TASOR: variants seen among roughly 807,000 people sequenced by gnomAD.
TASOR encodes the protein protein TASOR.
In TASOR, 53 loss-of-function variants were observed where a neutral mutation model predicts 178.6. The ratio of observed to expected loss-of-function variants is 0.30; its 90% confidence interval spans 0.24 to 0.37. The LOEUF (loss-of-function observed/expected upper bound fraction) is 0.37. Among genes scored for constraint, TASOR ranks in the 10% least tolerant of loss-of-function variants. The pLI, the probability that TASOR is intolerant of heterozygous loss-of-function variation, is 1.00. For synonymous variants in TASOR, 713 were observed against 696.2 expected (o/e 1.02, Z -0.38); for missense variants, 1,815 against 1,971.4 (o/e 0.92, Z 1.50).
Position 56,622,965 on chromosome 3 carries a change from G to T in TASOR, c.*72C>A, listed in dbSNP as rs2107520398. 2 of 1,036,216 alleles carry T rather than the reference G, an allele frequency of 1.9e-6. No individual in the cohort carries two copies. Among genetic ancestry groups the T allele is most frequent in the Non-Finnish European group, 2.7e-6 (2 of 734,708 alleles). The allele number at this position is 1,036,216 out of a possible 1,614,324, so 64.2% of individuals were successfully genotyped here. A position where few individuals can be genotyped will look rare whatever the true frequency, so the allele number is the denominator to read the frequency against. ...ATTTGAGAAAGAACAAGAACCTTTT[G>T]TTTAGAGAATGAAATATAAATTGTT... On this transcript the variant is annotated 3_prime_UTR_variant, in exon 24 of 24. Coordinates refer to ENST00000683822, the MANE Select transcript of TASOR (RefSeq NM_001365635.2).
chr3:56,680,518 AGAAAAGGTC>A (rs2031691421), intron 1 of TASOR, among the ~76,000 whole-genome samples: 1 of 152,186 alleles, frequency 6.6e-6, no homozygotes, highest in Non-Finnish European at 1.5e-5. Flanking sequence ...CACAGTCACA[AGAAAAGGTC>A]TACCATATTA....
intron 11 of TASOR, among the ~76,000 whole-genome samples, chr3:56,651,981 G>A (rs1380894850): frequency 1.3e-5 from 2 of 152,136 alleles, no homozygotes; most frequent in Admixed American, 6.5e-5. Flanking sequence ...TCTACACAAT[G>A]AAAGCATACT....
chr3:56,644,474 T>C (rs1449143087), intron 14 of TASOR, among the ~76,000 whole-genome samples: 3 of 151,890 alleles, frequency 2.0e-5, no homozygotes, highest in Admixed American at 2.0e-4. Flanking sequence ...AAATGGAAGC[T>C]ACTTCAGGAA....
chr3:56,646,743 G>C lies in TASOR; in HGVS notation c.1994C>G (p.Ser665Cys). 6.2e-7 allele frequency: 1 copy of C among 1,613,782 alleles called. No homozygotes were observed. Among genetic ancestry groups the C allele is most frequent in the Non-Finnish European group, 8.5e-7 (1 of 1,179,892 alleles). The change falls in exon 14 of 24, where the codon TCT becomes TGT. Residue 665 changes from serine to cysteine, a missense_variant. By Grantham distance (112) the Ser-to-Cys change is moderately radical. Coordinates refer to ENST00000683822, the MANE Select transcript of TASOR (RefSeq NM_001365635.2). ...AGAATGAGATGATCTTTGCTTTCCA[G>C]ATATAATGGCTTCACCTCTTGAGTT... ...RNNSRGEAII[S>C]GKQRSSHSLD...
intron 21 of TASOR, among the ~76,000 whole-genome samples, chr3:56,626,241 A>C (rs906500992): frequency 6.6e-6 from 1 of 152,214 alleles, no homozygotes; most frequent in African/African-American, 2.4e-5. Flanking sequence ...CTCTCAATTG[A>C]CTAGTGTTCC....
At position 56,660,718 on chromosome 3, in the gene TASOR, A is replaced by T; in HGVS notation, c.1368+13T>A. 2 of 1,593,942 alleles carry T rather than the reference A, an allele frequency of 1.3e-6. No individual in the cohort carries two copies. The highest frequency in any genetic ancestry group is 1.7e-6 in the Non-Finnish European group (2 of 1,164,822). ...AACAAAGAATGAGAAACATTAAAAA[A>T]CTTTTCACTCACAAGTTTTTCTCTG... is the stretch of plus-strand genomic sequence containing the variant. On this transcript the variant is annotated intron_variant, in intron 11 of 23. Coordinates refer to ENST00000683822, the MANE Select transcript of TASOR (RefSeq NM_001365635.2).
intron 11 of TASOR, among the ~76,000 whole-genome samples, chr3:56,658,889 G>A (rs2077529573): frequency 7.0e-6 from 1 of 142,428 alleles, no homozygotes. Flanking sequence ...GCTCCAGCCT[G>A]GGCGAGAGAG....
chr3:56,669,663 T>C, intron 5 of TASOR, 37 bp downstream of exon 5: 6 of 1,257,592 alleles, frequency 4.8e-6, no homozygotes, highest in Non-Finnish European at 6.7e-6. Context: ...AAATCAAGTG[T>C]AGTTTTTCAT....
chr3:56,626,328 C>T (rs569488279), intron 21 of TASOR, among the ~76,000 whole-genome samples: 1 of 152,184 alleles, frequency 6.6e-6, no homozygotes, highest in Non-Finnish European at 1.5e-5. Context: ...GTCCTACTCA[C>T]AAATCACTTC....
intron 21 of TASOR, among the ~76,000 whole-genome samples, chr3:56,625,829 G>A (rs2076786622): frequency 6.6e-6 from 1 of 151,842 alleles, no homozygotes; most frequent in South Asian, 2.1e-4. Context: ...TCACCATGTT[G>A]GACAGGATAC....
intron 17 of TASOR, among the ~76,000 whole-genome samples, chr3:56,636,419 T>A (rs1395136259): frequency 2.0e-5 from 3 of 152,130 alleles, no homozygotes; most frequent in Admixed American, 6.5e-5. Flanking sequence ...GTTGTTGTTG[T>A]TGTTGAGACA....
intron 5 of TASOR, among the ~76,000 whole-genome samples, chr3:56,669,299 C>G (rs537703716): frequency 2.3e-4 from 35 of 152,056 alleles, no homozygotes; most frequent in Non-Finnish European, 4.4e-4. Context: ...GTCAGGAGAT[C>G]GAGACCATCC....
intron 17 of TASOR, 135 bp downstream of exon 17, chr3:56,638,571 A>G: frequency 2.8e-6 from 2 of 710,104 alleles, no homozygotes; most frequent in Non-Finnish European, 4.9e-6. Flanking sequence ...TTACATATAA[A>G]TAAATATGGT....
At chr3:56,656,142 C>T (rs970506447) in intron 11 of TASOR, among the ~76,000 whole-genome samples, 1 of 152,108 alleles carries the variant, frequency 6.6e-6, no homozygotes, top group Non-Finnish European at 1.5e-5. Context: ...ACCAATCTAC[C>T]TTCCAGATAA....
chr3:56,623,301 G>A lies in TASOR; in HGVS notation c.4749C>T (p.Asn1583=), dbSNP rs1001377152. 6.2e-7 allele frequency: 1 copy of A among 1,613,454 alleles called. No individual in the cohort carries two copies. The change falls in exon 24 of 24, where the codon AAC becomes AAT. Residue 1583 remains asparagine, a synonymous_variant. Transcript: ENST00000683822. ...ATGAATCTTGTTCTGTTGAATTGCT[G>A]TTCTCTCCTTCAGAGCATACTATAT... ...SIDIVCSEGE[N]SNSTEQDSYS...
At position 56,621,243 on chromosome 3, in the gene TASOR, G is replaced by C. The variant is rs994753394; in HGVS notation, c.*1794C>G. The C allele has an allele frequency of 8.7e-6, 2 of 229,858 alleles. No individual in the cohort carries two copies. The highest frequency in any genetic ancestry group is 1.7e-5 in the Non-Finnish European group (2 of 118,832). 14.2% of individuals were successfully genotyped at this position (229,858 alleles called of 1,614,324 possible). A position where few individuals can be genotyped will look rare whatever the true frequency, so the allele number is the denominator to read the frequency against. ...TCAGTATCTAAGAGCACTTGGGGGT[G>C]GACTGGGGGAGAAGGGATGACTTCA... On this transcript the variant is annotated 3_prime_UTR_variant, in exon 24 of 24. Transcript: ENST00000683822.
chr3:56,661,429 T>A (rs2077593167), intron 9 of TASOR, among the ~76,000 whole-genome samples: 1 of 152,190 alleles, frequency 6.6e-6, no homozygotes, highest in African/African-American at 2.4e-5. Context: ...GTGTTGGGAT[T>A]ACATGAGTGA....
chr3:56,642,464 G>A (rs916240402), intron 14 of TASOR, among the ~76,000 whole-genome samples: 1 of 152,126 alleles, frequency 6.6e-6, no homozygotes, highest in Admixed American at 6.5e-5. Flanking sequence ...TTAATATTGG[G>A]GTGGGGTAGG....
chr3:56,664,737 A>C (rs893207142), intron 7 of TASOR, among the ~76,000 whole-genome samples: 5 of 152,216 alleles, frequency 3.3e-5, no homozygotes, highest in African/African-American at 1.2e-4. Flanking sequence ...CATCCCTATA[A>C]ATATACTTAT....
Sources: allele counts gnomAD v4.1 joint callset (sites outside exome capture counted in the v4.1 genomes callset), GRCh38; gene constraint gnomAD v4.1.1; transcripts MANE v1.5; gene names NCBI Gene and HGNC (gene_info 2026-07-23, HGNC 2026-07-21).